Variants in MYH11 observed in about 807,000 individuals in gnomAD.
MYH11 encodes myosin heavy chain 11, also known as myosin-11.
Under a neutral mutation model 246.6 loss-of-function variants are expected in MYH11, and 80 were observed. The observed-to-expected ratio is 0.32, with a 90% CI of 0.27 to 0.39. The LOEUF is 0.39. Among genes scored for constraint, MYH11 ranks in the 10% least tolerant of loss-of-function variants. MYH11 has a pLI of 1.00. For missense variants in MYH11, 2,158 were observed against 2,546.8 expected (o/e 0.85, Z 3.29); for synonymous variants, 1,071 against 1,015.5 (o/e 1.05, Z -1.04).
chr16:15,796,022 G>C (rs945375007), intron 4 of MYH11, among the ~76,000 whole-genome samples: 1 of 152,122 alleles, frequency 6.6e-6, no homozygotes, highest in Non-Finnish European at 1.5e-5. Context: ...TTAAAGGAAG[G>C]AAGCAAGCAA....
intron 24 of MYH11, 50 bp downstream of exon 24, chr16:15,738,515 A>C: frequency 6.5e-7 from 1 of 1,542,296 alleles, no homozygotes; most frequent in Non-Finnish European, 8.8e-7. Context: ...CTCATCTCTA[A>C]AAAAAATAAT....
intron 19 of MYH11, 26 bp downstream of exon 19, chr16:15,747,544 A>T (rs756597597): frequency 6.2e-7 from 1 of 1,614,096 alleles, no homozygotes; most frequent in South Asian, 1.1e-5. Context: ...CGTTTGAGGT[A>T]TTAGGATGCA....
At chr16:15,788,595 G>A (rs2042533664) in intron 4 of MYH11, among the ~76,000 whole-genome samples, 1 of 152,060 alleles carries the variant, frequency 6.6e-6, no homozygotes, top group Non-Finnish European at 1.5e-5. Context: ...TAATCCTACA[G>A]GTCCCACTGT....
intron 10 of MYH11, 48 bp downstream of exon 10, chr16:15,763,748 C>CCCCCCCCCA: frequency 1.4e-6 from 1 of 694,610 alleles, no homozygotes; most frequent in Non-Finnish European, 2.7e-6. Context: ...ACCTCCCCCA[C>CCCCCCCCCA]CCCCCCAACC....
intron 3 of MYH11, among the ~76,000 whole-genome samples, chr16:15,803,849 C>T (rs912488479): frequency 6.6e-6 from 1 of 152,134 alleles, no homozygotes; most frequent in Non-Finnish European, 1.5e-5. Flanking sequence ...AGCGCGGCTC[C>T]GAGCTGGGGG....
intron 4 of MYH11, among the ~76,000 whole-genome samples, chr16:15,795,259 C>CT: frequency 6.6e-6 from 1 of 151,626 alleles, no homozygotes; most frequent in Non-Finnish European, 1.5e-5. Flanking sequence ...CACCACTGCA[C>CT]TCCAGCCTGG....
At chr16:15,782,816 G>A in intron 5 of MYH11, 1 of 345,854 alleles carries the variant, frequency 2.9e-6, no homozygotes, top group South Asian at 2.6e-5. Context: ...GTGCCCCCCG[G>A]AGTTGTGCAG....
chr16:15,826,650 G>T (rs1477551274), intron 2 of MYH11, among the ~76,000 whole-genome samples: 1 of 151,806 alleles, frequency 6.6e-6, no homozygotes, highest in Non-Finnish European at 1.5e-5. Flanking sequence ...GTCCACTCAG[G>T]GACAATGGTA....
At chr16:15,834,462 G>T (rs2043835819) in intron 2 of MYH11, among the ~76,000 whole-genome samples, 1 of 151,290 alleles carries the variant, frequency 6.6e-6, no homozygotes, top group Non-Finnish European at 1.5e-5. Context: ...GGAGGTGGAG[G>T]TTGCAATGAG....
rs140558493 is a variant in MYH11 at position 15,770,083 on chromosome 16, G to T, written c.1033+1486C>A. Among the ~76,000 whole-genome samples the T allele has an allele frequency of 4.1e-3, 619 of 151,848 alleles. 2 individuals carry two copies. Among genetic ancestry groups the T allele is most frequent in the Middle Eastern group, 0.017 (5 of 292 alleles). ...AACCATTGTTCATTGTTATTTAAAA[G>T]CAAGATTAGAAGCAAAACTGACCCC... On this transcript the variant is annotated intron_variant, in intron 9 of 40. Coordinates refer to ENST00000300036, the MANE Select transcript of MYH11 (RefSeq NM_002474.3).
intron 7 of MYH11, among the ~76,000 whole-genome samples, 174 bp from the exon 8 acceptor site, chr16:15,776,350 G>A (rs910749257): frequency 1.3e-5 from 2 of 152,038 alleles, no homozygotes; most frequent in African/African-American, 4.8e-5. Flanking sequence ...GCTGGGTGCT[G>A]CCAGCAGACT....
chr16:15,833,936 C>T (rs753138800), intron 2 of MYH11, among the ~76,000 whole-genome samples: 38 of 152,146 alleles, frequency 2.5e-4, no homozygotes, highest in Admixed American at 2.5e-3. Flanking sequence ...AAGAGAAGAG[C>T]GGGACCATCA....
intron 14 of MYH11, among the ~76,000 whole-genome samples, chr16:15,755,856 C>T (rs952384947): frequency 2.0e-5 from 3 of 152,132 alleles, no homozygotes; most frequent in African/African-American, 2.4e-5. Context: ...CTCTTGAACC[C>T]GGAGGGAGAG....
chr16:15,735,266 A>C, intron 26 of MYH11, 100 bp downstream of exon 26: 1 of 1,307,074 alleles, frequency 7.7e-7, no homozygotes, highest in Non-Finnish European at 1.1e-6. Flanking sequence ...GTAAATGCAC[A>C]GGGGCTGATG....
intron 28 of MYH11, chr16:15,725,223 C>T: frequency 1.6e-6 from 1 of 607,684 alleles, no homozygotes. Flanking sequence ...GGACCCTGGC[C>T]CTAGACTCTG....
chr16:15,704,535 G>A (rs2039346400), intron 40 of MYH11, among the ~76,000 whole-genome samples: 1 of 152,216 alleles, frequency 6.6e-6, no homozygotes, highest in African/African-American at 2.4e-5. Flanking sequence ...CCATGGGGCA[G>A]AGTTGAAGAG....
chr16:15,759,560 T>G lies in MYH11; in HGVS notation c.1401+16A>C. ...ACAACCAAGACCATGGCTCTTAGGA[T>G]CCCACCGAGCTGTACCTCAAAGATC... On this transcript the variant is annotated intron_variant, in intron 12 of 40. Transcript: ENST00000300036. 1 of 1,614,108 alleles carries G rather than the reference T, an allele frequency of 6.2e-7. No individual in the cohort carries two copies. Among genetic ancestry groups the G allele is most frequent in the Non-Finnish European group, 8.5e-7 (1 of 1,180,022 alleles).
At chr16:15,736,071 AG>A (rs2041109103) in intron 25 of MYH11, among the ~76,000 whole-genome samples, 1 of 152,204 alleles carries the variant, frequency 6.6e-6, no homozygotes, top group Admixed American at 6.6e-5. Context: ...CCAGAGATCA[AG>A]GTGGGCTGCA....
At chr16:15,803,579 A>G (rs962162368) in intron 3 of MYH11, among the ~76,000 whole-genome samples, 13 of 152,156 alleles carry the variant, frequency 8.5e-5, no homozygotes, top group Admixed American at 7.2e-4. Context: ...TGAAGGATAG[A>G]AGAACCAGGT....
Sources: allele counts gnomAD v4.1 joint callset (sites outside exome capture counted in the v4.1 genomes callset), GRCh38; gene constraint gnomAD v4.1.1; transcripts MANE v1.5; gene names NCBI Gene and HGNC (gene_info 2026-07-23, HGNC 2026-07-21).